The following DDAH1 variants were observed in gnomAD, a reference collection of about 807,000 sequenced individuals.
DDAH1 encodes the protein N(G),N(G)-dimethylarginine dimethylaminohydrolase 1.
Under a neutral mutation model 28.8 loss-of-function variants are expected in DDAH1, and 19 were observed. The observed-to-expected ratio is 0.66, with a 90% CI of 0.46 to 0.97. The LOEUF (loss-of-function observed/expected upper bound fraction) is 0.97, where lower values mean the gene tolerates loss of function less well. DDAH1 is among the 50% of genes least tolerant of loss of function. DDAH1 has a pLI of 0.00. For synonymous variants in DDAH1, 153 were observed against 154.4 expected, an observed-to-expected ratio of 0.99 and a Z score of 0.07; for missense variants, 326 against 375.9, an observed-to-expected ratio of 0.87 and a Z score of 1.10.
intron 1 of DDAH1, among the ~76,000 whole-genome samples, chr1:85,372,152 A>C (rs1399570616): frequency 6.6e-6 from 1 of 152,160 alleles, no homozygotes; most frequent in Non-Finnish European, 1.5e-5. Context: ...AGGCTGAAGC[A>C]TGGCAAATGA....
At chr1:85,363,016 T>C (rs1488457827) in intron 1 of DDAH1, among the ~76,000 whole-genome samples, 1 of 152,160 alleles carries the variant, frequency 6.6e-6, no homozygotes, top group African/African-American at 2.4e-5. Flanking sequence ...CCTTATATAG[T>C]TTTACTAGGA....
chr1:85,470,275 C>T (rs1655573821), intron 2 of DDAH1, among the ~76,000 whole-genome samples: 1 of 152,192 alleles, frequency 6.6e-6, no homozygotes, highest in Non-Finnish European at 1.5e-5. Flanking sequence ...CAAAAATGCA[C>T]GTCTTACATG....
At chr1:85,484,611 C>T (rs1328567910) in intron 2 of DDAH1, among the ~76,000 whole-genome samples, 1 of 152,166 alleles carries the variant, frequency 6.6e-6, no homozygotes, top group Non-Finnish European at 1.5e-5. Context: ...GTCAGACTAA[C>T]CATGTAGAGC....
intron 1 of DDAH1, among the ~76,000 whole-genome samples, chr1:85,450,743 A>T (rs58050543): frequency 3.9e-4 from 59 of 152,330 alleles, no homozygotes; most frequent in African/African-American, 1.3e-3. Context: ...TGGAACTGAG[A>T]CTCAATTCCA....
At chr1:85,365,108 A>G (rs1419891441) in intron 1 of DDAH1, among the ~76,000 whole-genome samples, 1 of 152,216 alleles carries the variant, frequency 6.6e-6, no homozygotes, top group Non-Finnish European at 1.5e-5. Context: ...CTGATGAAGC[A>G]AGTACAAGAA....
intron 1 of DDAH1, among the ~76,000 whole-genome samples, chr1:85,400,177 C>CTTTTTTTTCTT (rs1652003635): frequency 2.4e-4 from 13 of 54,948 alleles, no homozygotes; most frequent in Non-Finnish European, 4.0e-4. Flanking sequence ...CTTTTCTTTT[C>CTTTTTTTTCTT]TTTTTTTTTT....
chr1:85,568,342 C>A (rs2100561117), intron 1 of DDAH1, among the ~76,000 whole-genome samples: 1 of 152,210 alleles, frequency 6.6e-6, no homozygotes, highest in South Asian at 2.1e-4. Context: ...ACAGTGGAAT[C>A]AAATAAAACA....
At chr1:85,366,377 C>G (rs1156754356) in intron 1 of DDAH1, among the ~76,000 whole-genome samples, 2 of 152,170 alleles carry the variant, frequency 1.3e-5, no homozygotes, top group African/African-American at 4.8e-5. Flanking sequence ...CAGACTGTTA[C>G]ATACCCATTT....
intron 4 of DDAH1, among the ~76,000 whole-genome samples, chr1:85,347,489 C>G (rs1468194714): frequency 6.6e-6 from 1 of 152,060 alleles, no homozygotes; most frequent in African/African-American, 2.4e-5. Flanking sequence ...AGCTGGAAAC[C>G]ATCATTCTCA....
intron 1 of DDAH1, among the ~76,000 whole-genome samples, chr1:85,501,563 C>A (rs115685554): frequency 6.6e-6 from 1 of 152,142 alleles, no homozygotes; most frequent in African/African-American, 2.4e-5. Context: ...TTAGCCTGAC[C>A]TACAAATTCC....
chr1:85,422,448 T>C (rs1401328832), intron 1 of DDAH1, among the ~76,000 whole-genome samples: 1 of 152,230 alleles, frequency 6.6e-6, no homozygotes, highest in African/African-American at 2.4e-5. Flanking sequence ...AATCATACTT[T>C]TGGTGTTGTA....
chr1:85,441,241 G>A (rs1337093049), intron 1 of DDAH1, among the ~76,000 whole-genome samples: 2 of 152,140 alleles, frequency 1.3e-5, no homozygotes, highest in Non-Finnish European at 2.9e-5. Flanking sequence ...ATTGAGAAAG[G>A]AGGTAAGAAA....
chr1:85,499,216 T>C (rs956779611), intron 1 of DDAH1, among the ~76,000 whole-genome samples: 3 of 152,122 alleles, frequency 2.0e-5, no homozygotes, highest in African/African-American at 7.2e-5. Flanking sequence ...AAAGAATATA[T>C]ATATTTTTAA....
chr1:85,441,477 G>A (rs1654189639), intron 1 of DDAH1, among the ~76,000 whole-genome samples: 1 of 152,084 alleles, frequency 6.6e-6, no homozygotes. Flanking sequence ...GGAGGTAGAG[G>A]TTGCAGTGAG....
intron 2 of DDAH1, among the ~76,000 whole-genome samples, chr1:85,480,570 C>T (rs1165770932): frequency 6.6e-6 from 1 of 152,014 alleles, no homozygotes; most frequent in Non-Finnish European, 1.5e-5. Flanking sequence ...CATGGTGAAA[C>T]CCCATCTCTA....
intron 1 of DDAH1, among the ~76,000 whole-genome samples, chr1:85,510,984 T>G (rs921867194): frequency 2.0e-5 from 3 of 152,166 alleles, no homozygotes; most frequent in Admixed American, 6.5e-5. Context: ...TGAACTCAGC[T>G]CTGCAACAAG....
At chr1:85,372,881 A>G (rs1263491421) in intron 1 of DDAH1, among the ~76,000 whole-genome samples, 1 of 152,134 alleles carries the variant, frequency 6.6e-6, no homozygotes, top group Non-Finnish European at 1.5e-5. Context: ...CAGATTTATT[A>G]TAGATCGGGT....
chr1:85,450,995 C>G (rs892423516), intron 1 of DDAH1, among the ~76,000 whole-genome samples: 2 of 152,176 alleles, frequency 1.3e-5, no homozygotes, highest in Non-Finnish European at 2.9e-5. Context: ...ATGACCTACT[C>G]CTAAAACCAT....
rs1040272574 is a variant in DDAH1, at chr1:85,342,425, G to T, written c.597+7990C>A. 7.9e-5 allele frequency among the ~76,000 whole-genome samples: 12 copies of T among 151,846 alleles called. 1 individual carries two copies. Among genetic ancestry groups the T allele is most frequent in the African/African-American group, 2.9e-4 (12 of 41,392 alleles). ...GTGTGTGTGTGTGTTGGAGGAGGAG[G>T]TATGGGAATATGAGTCAAATGCAAG... On this transcript the variant is annotated intron_variant, in intron 4 of 5. Coordinates refer to ENST00000284031, the MANE Select transcript of DDAH1 (RefSeq NM_012137.4).
Sources: allele counts gnomAD v4.1 joint callset (sites outside exome capture counted in the v4.1 genomes callset), GRCh38; gene constraint gnomAD v4.1.1; transcripts MANE v1.5; gene names NCBI Gene and HGNC (gene_info 2026-07-23, HGNC 2026-07-21).